QSOX2: variants seen among roughly 807,000 people sequenced by gnomAD.
QSOX2 encodes the protein quiescin sulfhydryl oxidase 2, also known as sulfhydryl oxidase 2.
In QSOX2, 46 loss-of-function variants were observed where a neutral mutation model predicts 61.7. The observed-to-expected ratio is 0.75, with a 90% CI of 0.59 to 0.95. QSOX2 has a LOEUF of 0.95. Ranked by LOEUF, QSOX2 falls within the 40% of genes least tolerant of loss-of-function variation. The pLI, the probability that QSOX2 is intolerant of heterozygous loss-of-function variation, is 0.00. For missense variants in QSOX2, 879 were observed against 918.9 expected, an observed-to-expected ratio of 0.96 and a Z score of 0.56; for synonymous variants, 383 against 388.4, an observed-to-expected ratio of 0.99 and a Z score of 0.16.
chr9:136,216,792 C>A (rs1048771666), intron 8 of QSOX2, 70 bp from the exon 9 acceptor site: 9 of 1,570,682 alleles, frequency 5.7e-6, no homozygotes, highest in Non-Finnish European at 7.8e-6. Context: ...CGGGGGGCAC[C>A]GCACCTCCAA....
At chr9:136,228,634 G>A (rs1830303806) in intron 1 of QSOX2, among the ~76,000 whole-genome samples, 1 of 152,186 alleles carries the variant, frequency 6.6e-6, no homozygotes, top group Non-Finnish European at 1.5e-5. Context: ...GGCAGGGCAC[G>A]CCGCACCGTG....
At chr9:136,236,509 C>G (rs1274891463) in intron 1 of QSOX2, among the ~76,000 whole-genome samples, 2 of 152,252 alleles carry the variant, frequency 1.3e-5, no homozygotes, top group African/African-American at 4.8e-5. Flanking sequence ...AGCAGAAGAG[C>G]CAGCGCTGCA....
chr9:136,211,639 C>T (rs921760006), intron 10 of QSOX2, among the ~76,000 whole-genome samples, 187 bp from the exon 11 acceptor site: 2 of 152,186 alleles, frequency 1.3e-5, no homozygotes, highest in South Asian at 4.1e-4. Context: ...AACACGCCCA[C>T]GGGTGCTGCA....
At chr9:136,231,105 A>G (rs899476626) in intron 1 of QSOX2, among the ~76,000 whole-genome samples, 1 of 152,226 alleles carries the variant, frequency 6.6e-6, no homozygotes, top group Non-Finnish European at 1.5e-5. Flanking sequence ...TGACCAAATT[A>G]TCTACCACGG....
chr9:136,220,993 C>T (rs1831974045), intron 6 of QSOX2, among the ~76,000 whole-genome samples: 1 of 152,234 alleles, frequency 6.6e-6, no homozygotes, highest in Admixed American at 6.5e-5. Flanking sequence ...TTTTTCTAAC[C>T]TGATTCAAGT....
At chr9:136,219,916 C>A (rs924458687) in intron 6 of QSOX2, among the ~76,000 whole-genome samples, 12 of 152,228 alleles carry the variant, frequency 7.9e-5, no homozygotes, top group Admixed American at 2.6e-4. Context: ...GTGCCCCAGG[C>A]CTGGAATGGG....
At chr9:136,213,484 TCCCAAGGTTTCTC>T (rs1831872773) in intron 10 of QSOX2, among the ~76,000 whole-genome samples, 1 of 151,946 alleles carries the variant, frequency 6.6e-6, no homozygotes, top group Non-Finnish European at 1.5e-5. Context: ...TTTGGACAGC[TCCCAAGGTTTCTC>T]CCCAAAAACA....
intron 2 of QSOX2, among the ~76,000 whole-genome samples, chr9:136,225,967 G>A (rs533789655): frequency 2.9e-4 from 44 of 152,348 alleles, no homozygotes; most frequent in Admixed American, 2.5e-3. Context: ...CAGGCCCCGA[G>A]AGGCCCTGGG....
chr9:136,244,219 G>C (rs1398115471), intron 1 of QSOX2, among the ~76,000 whole-genome samples: 2 of 152,170 alleles, frequency 1.3e-5, no homozygotes, highest in Non-Finnish European at 2.9e-5. Flanking sequence ...TAAAAGCAGT[G>C]TCTAAAAACC....
intron 1 of QSOX2, among the ~76,000 whole-genome samples, chr9:136,238,899 T>A (rs1482211395): frequency 6.6e-6 from 1 of 152,180 alleles, no homozygotes; most frequent in Non-Finnish European, 1.5e-5. Flanking sequence ...CTGCCCATCG[T>A]CCCAGCTACT....
chr9:136,233,109 A>T (rs1830347617), intron 1 of QSOX2, among the ~76,000 whole-genome samples: 2 of 152,086 alleles, frequency 1.3e-5, no homozygotes, highest in South Asian at 4.1e-4. Context: ...GTTTGTGCAC[A>T]CGCTGCCGGG....
intron 9 of QSOX2, among the ~76,000 whole-genome samples, chr9:136,215,557 G>A (rs931334142): frequency 7.9e-5 from 12 of 152,176 alleles, no homozygotes; most frequent in Admixed American, 2.0e-4. Context: ...CAGTTCTTCT[G>A]TATCTTGATA....
intron 8 of QSOX2, 27 bp from the exon 9 acceptor site, chr9:136,216,749 G>A: frequency 6.2e-7 from 1 of 1,611,650 alleles, no homozygotes; most frequent in Non-Finnish European, 8.5e-7. Context: ...CCACCTGAGA[G>A]CTACAGACCC....
At chr9:136,216,779 C>T (rs1328706881) in intron 8 of QSOX2, 57 bp from the exon 9 acceptor site, 61 of 1,596,958 alleles carry the variant, frequency 3.8e-5, no homozygotes, top group Non-Finnish European at 5.0e-5. Flanking sequence ...CCCGCCCCCA[C>T]CGCGGGGGGC....
rs191652160 is a variant in QSOX2 at position 136,234,448 on chromosome 9, G to A, written c.329-7574C>T. 1.6e-3 allele frequency among the ~76,000 whole-genome samples: 237 copies of A among 152,254 alleles called. 1 individual carries two copies. The highest frequency in any genetic ancestry group is 5.4e-3 in the African/African-American group (225 of 41,538). On this transcript the variant is annotated intron_variant, in intron 1 of 11. Coordinates refer to ENST00000358701, the MANE Select transcript of QSOX2 (RefSeq NM_181701.4). The stretch of plus-strand genomic sequence containing the variant: ...CTTCTAACTGAGCCCCTGGAGGGCC[G>A]CCCAGATGTCCGGCAGATGTCCCAC...
chr9:136,208,820 C>T lies in QSOX2; in HGVS notation c.2005G>A (p.Val669Met), dbSNP rs370105290. The T allele has an allele frequency of 3.3e-5, 53 of 1,613,932 alleles. No homozygotes were observed. The highest frequency in any genetic ancestry group is 8.8e-5 in the South Asian group (8 of 91,092). Residue 669 changes from valine (V) to methionine (M), a missense_variant, in exon 12 of 12, where the codon GTG (valine) becomes ATG (methionine). Val to Met is a conservative substitution (Grantham distance 21). Coordinates refer to ENST00000358701, the MANE Select transcript of QSOX2 (RefSeq NM_181701.4). ...LDMSLCVVLY[V>M]ASSLFLMVMY... ...ACCATGAGGAACAGGGATGAAGCCA[C>T]GTACAGCACGACACAGAGACTCATG...
chr9:136,228,967 C>T (rs1343025244), intron 1 of QSOX2, among the ~76,000 whole-genome samples: 1 of 152,210 alleles, frequency 6.6e-6, no homozygotes, highest in African/African-American at 2.4e-5. Flanking sequence ...AGAGACGGAA[C>T]ATATCACCAG....
intron 11 of QSOX2, chr9:136,210,519 C>T (rs1171399566): frequency 1.0e-6 from 1 of 985,346 alleles, no homozygotes; most frequent in Non-Finnish European, 1.2e-6. Flanking sequence ...CAGAGGCTGC[C>T]AGGGCGGAGA....
chr9:136,215,166 G>A lies in QSOX2; in HGVS notation c.1348C>T (p.Leu450=). Residue 450 remains leucine, a synonymous_variant, in exon 10 of 12, where the codon CTG becomes TTG. Coordinates refer to ENST00000358701, the MANE Select transcript of QSOX2 (RefSeq NM_181701.4). ...GGGCACAGCTTACCTGTGCCAACCA[G>A]TGCATCTGGGTGGGTCGAGGCTTCA... The part of the protein sequence containing the change: ...TVEASTHPDA[L]VGTGFEDDPQ... 6.2e-7 allele frequency: 1 copy of A among 1,613,846 alleles called. No individual in the cohort carries two copies.
Sources: gnomAD v4.1 joint callset for allele counts (sites outside exome capture counted in the v4.1 genomes callset) on GRCh38, gnomAD v4.1.1 for gene constraint, MANE v1.5 for transcripts, NCBI Gene and HGNC (gene_info 2026-07-23, HGNC 2026-07-21) for gene names.